Variants in CHST8 observed in about 807,000 individuals in gnomAD.
CHST8 encodes the protein GALNAC-4-ST1.
In CHST8, 10 loss-of-function variants were observed where a neutral mutation model predicts 15.0. The observed-to-expected ratio is 0.67, with a 90% confidence interval of 0.41 to 1.13. The LOEUF (loss-of-function observed/expected upper bound fraction) is 1.13, where lower values mean the gene tolerates loss of function less well. CHST8 is among the 50% of genes most tolerant of loss of function. The probability of loss-of-function intolerance (pLI) is 0.00; values close to 1 mark genes in which losing one functional copy is unlikely to be tolerated. For missense variants in CHST8, 634 were observed against 608.2 expected (o/e 1.04, Z -0.45); for synonymous variants, 259 against 256.6 (o/e 1.01, Z -0.09).
chr19:33,760,228 A>G (rs1197119896), intron 3 of CHST8, among the ~76,000 whole-genome samples: 1 of 45,138 alleles, frequency 2.2e-5, no homozygotes, highest in African/African-American at 8.7e-5. Flanking sequence ...TTGCATGGCT[A>G]TAAAGCCTCT....
chr19:33,656,403 A>G (rs1331010933), intron 1 of CHST8, among the ~76,000 whole-genome samples: 2 of 152,204 alleles, frequency 1.3e-5, no homozygotes, highest in Non-Finnish European at 2.9e-5. Context: ...ACATCTTAGA[A>G]TGTGTGAAAT....
At chr19:33,657,207 A>G (rs1490445620) in intron 1 of CHST8, among the ~76,000 whole-genome samples, 3 of 151,792 alleles carry the variant, frequency 2.0e-5, no homozygotes, top group African/African-American at 7.3e-5. Context: ...ACATATACAT[A>G]CACAAACACA....
intron 3 of CHST8, among the ~76,000 whole-genome samples, chr19:33,733,538 A>G (rs1041975455): frequency 6.6e-6 from 1 of 152,170 alleles, no homozygotes; most frequent in African/African-American, 2.4e-5. Context: ...CCTGGCCCAG[A>G]TATATTCTTG....
intron 3 of CHST8, among the ~76,000 whole-genome samples, chr19:33,689,771 A>C (rs1284670711): frequency 6.6e-6 from 1 of 152,180 alleles, no homozygotes; most frequent in East Asian, 1.9e-4. Context: ...CATGCCCCAC[A>C]AGCAAGACTC....
chr19:33,683,568 A>C (rs1011825558), intron 2 of CHST8, among the ~76,000 whole-genome samples: 1 of 152,174 alleles, frequency 6.6e-6, no homozygotes, highest in Non-Finnish European at 1.5e-5. Context: ...GAGGAAAACA[A>C]ACCCTCAGCT....
intron 3 of CHST8, among the ~76,000 whole-genome samples, chr19:33,764,805 CACTGCACACAATTTGT>C (rs1396427828): frequency 1.3e-5 from 2 of 152,028 alleles, no homozygotes; most frequent in African/African-American, 4.8e-5. Flanking sequence ...GAGCAGTGTA[CACTGCACACAATTTGT>C]AGTTTTTTAT....
At chr19:33,642,027 C>A (rs1290824860) in intron 1 of CHST8, among the ~76,000 whole-genome samples, 2 of 152,200 alleles carry the variant, frequency 1.3e-5, no homozygotes, top group Non-Finnish European at 2.9e-5. Flanking sequence ...ATGATTTCCG[C>A]CTGGAGGATG....
chr19:33,670,595 G>A (rs78413542), intron 2 of CHST8, among the ~76,000 whole-genome samples: 1,930 of 152,240 alleles, frequency 0.013, 39 homozygotes, highest in African/African-American at 0.044. Context: ...GAATGCTTAC[G>A]GGCCAGTTTC....
At chr19:33,623,558 C>A (rs1242250146) in intron 1 of CHST8, among the ~76,000 whole-genome samples, 1 of 152,158 alleles carries the variant, frequency 6.6e-6, no homozygotes, top group African/African-American at 2.4e-5. Flanking sequence ...CGCCCAAGGC[C>A]CCCAGGAGCT....
intron 1 of CHST8, among the ~76,000 whole-genome samples, chr19:33,627,191 C>G (rs1352045022): frequency 6.7e-6 from 1 of 148,542 alleles, no homozygotes; most frequent in Non-Finnish European, 1.5e-5. Context: ...ACCTCTGTCT[C>G]CCAGGTTCAA....
At chr19:33,700,202 AT>A (rs1973304746) in intron 3 of CHST8, among the ~76,000 whole-genome samples, 1 of 152,100 alleles carries the variant, frequency 6.6e-6, no homozygotes, top group Non-Finnish European at 1.5e-5. Context: ...TCCTGAAACC[AT>A]TTTCTAACGG....
intron 3 of CHST8, among the ~76,000 whole-genome samples, chr19:33,719,072 C>G (rs866038852): frequency 6.6e-6 from 1 of 152,284 alleles, no homozygotes; most frequent in Middle Eastern, 3.4e-3. Flanking sequence ...CCCCCACCCC[C>G]CTGCCAGTGA....
intron 2 of CHST8, among the ~76,000 whole-genome samples, chr19:33,672,268 G>A (rs930186782): frequency 6.6e-5 from 10 of 152,034 alleles, no homozygotes; most frequent in Non-Finnish European, 1.2e-4. Flanking sequence ...TGCAATCTCA[G>A]CTCACAGCAA....
At chr19:33,738,687 TC>T (rs1187528175) in intron 3 of CHST8, among the ~76,000 whole-genome samples, 1 of 152,122 alleles carries the variant, frequency 6.6e-6, no homozygotes, top group Admixed American at 6.6e-5. Flanking sequence ...CCTCCAGGGT[TC>T]AAGCAATTCT....
chr19:33,756,642 G>T (rs1313025594), intron 3 of CHST8, among the ~76,000 whole-genome samples: 1 of 152,156 alleles, frequency 6.6e-6, no homozygotes, highest in African/African-American at 2.4e-5. Flanking sequence ...TGGCTTTGTT[G>T]TTCTGCAAAA....
intron 3 of CHST8, among the ~76,000 whole-genome samples, chr19:33,718,974 C>T (rs1340407725): frequency 6.6e-6 from 1 of 152,118 alleles, no homozygotes; most frequent in Non-Finnish European, 1.5e-5. Context: ...ACTACAGGGG[C>T]TCTGGACTTG....
At chr19:33,674,409 T>C (rs560198322) in intron 2 of CHST8, among the ~76,000 whole-genome samples, 179 of 152,348 alleles carry the variant, frequency 1.2e-3, no homozygotes, top group African/African-American at 3.9e-3. Flanking sequence ...TGAGGGGGTC[T>C]GTGAAATTTT....
intron 3 of CHST8, among the ~76,000 whole-genome samples, chr19:33,749,115 G>A (rs1343900524): frequency 6.6e-6 from 1 of 152,122 alleles, no homozygotes; most frequent in East Asian, 1.9e-4. Flanking sequence ...CCCAGGGATG[G>A]CAGCAAAAGC....
intron 3 of CHST8, among the ~76,000 whole-genome samples, chr19:33,757,508 A>C (rs1361668563): frequency 2.2e-5 from 1 of 46,274 alleles, no homozygotes; most frequent in African/African-American, 9.0e-5. Flanking sequence ...GAAAGAAAGA[A>C]AGAAAGAAAG....
Sources: allele counts gnomAD v4.1 joint callset (sites outside exome capture counted in the v4.1 genomes callset), GRCh38; gene constraint gnomAD v4.1.1; transcripts MANE v1.5; gene names NCBI Gene and HGNC (gene_info 2026-07-23, HGNC 2026-07-21).